Variants in MAGI2 observed in about 807,000 individuals in gnomAD.
MAGI2 encodes the protein membrane associated guanylate kinase, WW and PDZ domain containing 2.
In MAGI2, 35 loss-of-function variants were observed where a neutral mutation model predicts 133.3. The observed-to-expected ratio is 0.26, with a 90% CI of 0.20 to 0.35. MAGI2 has a LOEUF of 0.35. Ranked by LOEUF, MAGI2 falls within the 10% of genes least tolerant of loss-of-function variation. MAGI2 has a pLI of 1.00. For missense variants in MAGI2, 1,636 were observed against 1,863.4 expected, an observed-to-expected ratio of 0.88 and a Z score of 2.25; for synonymous variants, 729 against 710.6, an observed-to-expected ratio of 1.03 and a Z score of -0.41.
At chr7:78,751,593 C>T (rs1207872) in intron 2 of MAGI2, among the ~76,000 whole-genome samples, 46,802 of 152,062 alleles carry the variant, frequency 0.31, 7,409 homozygotes, top group South Asian at 0.47. Flanking sequence ...GATTGCCCAC[C>T]TTAGGAACAG....
intron 1 of MAGI2, among the ~76,000 whole-genome samples, chr7:79,366,214 G>A (rs28802647): frequency 0.021 from 3,228 of 151,952 alleles, 98 homozygotes; most frequent in African/African-American, 0.076. Context: ...CCGGGCAATG[G>A]GAGTAAGATC....
At chr7:78,319,682 T>C (rs1232704170) in intron 9 of MAGI2, among the ~76,000 whole-genome samples, 2 of 152,058 alleles carry the variant, frequency 1.3e-5, no homozygotes, top group East Asian at 3.9e-4. Context: ...GCAGGAAAGA[T>C]CTAAAATTGA....
chr7:79,365,629 G>A (rs190358947), intron 1 of MAGI2, among the ~76,000 whole-genome samples: 4 of 151,948 alleles, frequency 2.6e-5, no homozygotes, highest in Admixed American at 1.3e-4. Context: ...GGGCCGAGGC[G>A]GGCAGATCAC....
At chr7:79,138,302 T>C (rs1821783467) in intron 1 of MAGI2, among the ~76,000 whole-genome samples, 1 of 152,200 alleles carries the variant, frequency 6.6e-6, no homozygotes, top group Non-Finnish European at 1.5e-5. Flanking sequence ...GCCTTTTAAG[T>C]AAGCTACAGC....
intron 14 of MAGI2, among the ~76,000 whole-genome samples, chr7:78,176,908 GACAC>G (rs200781303): frequency 0.029 from 3,803 of 130,428 alleles, 65 homozygotes; most frequent in South Asian, 0.069. Context: ...ACCATATATA[GACAC>G]ACACACACAC....
intron 2 of MAGI2, among the ~76,000 whole-genome samples, chr7:78,668,403 T>C (rs1387226210): frequency 6.6e-6 from 1 of 151,046 alleles, no homozygotes; most frequent in Non-Finnish European, 1.5e-5. Flanking sequence ...TTTAATTAGA[T>C]CCCATTTGTC....
intron 2 of MAGI2, among the ~76,000 whole-genome samples, chr7:78,802,910 A>C (rs1210718727): frequency 7.0e-6 from 1 of 142,668 alleles, no homozygotes; most frequent in Admixed American, 7.1e-5. Flanking sequence ...AAACTGCTCT[A>C]AAAACAATAA....
At chr7:78,615,755 T>C (rs1226812049) in intron 3 of MAGI2, 1 of 152,254 alleles carries the variant, frequency 6.6e-6, no homozygotes, top group East Asian at 1.9e-4. Context: ...TTTGGGCCTA[T>C]TGTATATCGT....
At chr7:78,860,754 C>A (rs956302824) in intron 2 of MAGI2, among the ~76,000 whole-genome samples, 1 of 152,132 alleles carries the variant, frequency 6.6e-6, no homozygotes, top group East Asian at 1.9e-4. Context: ...CTGGGAGAAC[C>A]ACTACTCTCT....
At chr7:78,919,118 C>T (rs1315563027) in intron 2 of MAGI2, among the ~76,000 whole-genome samples, 2 of 152,038 alleles carry the variant, frequency 1.3e-5, no homozygotes, top group Non-Finnish European at 2.9e-5. Flanking sequence ...GTGGAAGAGT[C>T]ACACATAAAC....
At chr7:78,715,856 C>T (rs1819650479) in intron 2 of MAGI2, among the ~76,000 whole-genome samples, 1 of 59,412 alleles carries the variant, frequency 1.7e-5, no homozygotes, top group South Asian at 3.8e-4. Context: ...AAATATAAGT[C>T]CTACACAGAA....
At chr7:78,856,753 A>G (rs1465834230) in intron 2 of MAGI2, among the ~76,000 whole-genome samples, 1 of 152,120 alleles carries the variant, frequency 6.6e-6, no homozygotes. Flanking sequence ...TTGGTTCCAT[A>G]TGAACTTTAA....
intron 1 of MAGI2, among the ~76,000 whole-genome samples, chr7:79,030,065 C>T (rs1203025668): frequency 6.6e-6 from 1 of 152,182 alleles, no homozygotes; most frequent in African/African-American, 2.4e-5. Flanking sequence ...ATGTCACATC[C>T]TCCATGGGTA....
chr7:79,136,020 AGAAAGAAGGAAAGAAAGAAAGAAAGAAG>A (rs1821439368), intron 1 of MAGI2, among the ~76,000 whole-genome samples: 1 of 112,608 alleles, frequency 8.9e-6, no homozygotes, highest in Non-Finnish European at 1.8e-5. Flanking sequence ...AAAGAAAGAA[AGAAAGAAGGAAAGAAAGAAAGAAAGAAG>A]GAAAGAAAGA....
chr7:78,496,051 A>G (rs1026774271), intron 5 of MAGI2, among the ~76,000 whole-genome samples: 2 of 152,194 alleles, frequency 1.3e-5, no homozygotes, highest in Non-Finnish European at 2.9e-5. Flanking sequence ...TCTCTCCAAT[A>G]AATTTCCAAA....
intron 12 of MAGI2, among the ~76,000 whole-genome samples, chr7:78,193,034 G>T (rs1156479403): frequency 6.6e-6 from 1 of 152,178 alleles, no homozygotes; most frequent in African/African-American, 2.4e-5. Context: ...TACAGGTGAG[G>T]AGGGGAAAGG....
At chr7:78,034,698 T>C (rs1314791826) in intron 21 of MAGI2, among the ~76,000 whole-genome samples, 3 of 152,194 alleles carry the variant, frequency 2.0e-5, no homozygotes, top group African/African-American at 7.2e-5. Flanking sequence ...TGGCTAATTT[T>C]TGTATTTTTA....
At chr7:79,283,445 CCTTTAT>C (rs1462576771) in intron 1 of MAGI2, among the ~76,000 whole-genome samples, 1 of 152,078 alleles carries the variant, frequency 6.6e-6, no homozygotes, top group African/African-American at 2.4e-5. Flanking sequence ...CACTTCCACT[CCTTTAT>C]CTTCATTACT....
Position 78,627,885 on chromosome 7 carries a change from T to G in MAGI2, c.419-646A>C, listed in dbSNP as rs540761320. Reference sequence around the variant, plus strand: ...GTATCTAATCTGACAGGAGAAAACTTTCTCTGACTCCATCACACAGGCTCT... The same window carrying G: ...GTATCTAATCTGACAGGAGAAAACTGTCTCTGACTCCATCACACAGGCTCT... On this transcript the variant is annotated intron_variant, in intron 2 of 21. Coordinates refer to ENST00000354212, the MANE Select transcript of MAGI2 (RefSeq NM_012301.4). 4.6e-5 allele frequency among the ~76,000 whole-genome samples: 7 copies of G among 152,296 alleles called. No homozygotes were observed. In the South Asian group the frequency reaches 1.0e-3, roughly 23 times the overall value.
Sources: gnomAD v4.1 joint callset for allele counts (sites outside exome capture counted in the v4.1 genomes callset) on GRCh38, gnomAD v4.1.1 for gene constraint, MANE v1.5 for transcripts, NCBI Gene and HGNC (gene_info 2026-07-23, HGNC 2026-07-21) for gene names.